The following GRB10 variants were observed in gnomAD, a reference collection of about 807,000 sequenced individuals.
The protein encoded by GRB10 is growth factor receptor bound protein 10.
Under a neutral mutation model 80.9 loss-of-function variants are expected in GRB10, and 20 were observed. The observed-to-expected ratio is 0.25, with a 90% CI of 0.17 to 0.36. The LOEUF is 0.36. Among genes scored for constraint, GRB10 ranks in the 10% least tolerant of loss-of-function variants. The pLI is 1.00. For synonymous variants in GRB10, 291 were observed against 291.5 expected (o/e 1.00, Z 0.02); for missense variants, 548 against 747.7 (o/e 0.73, Z 3.12).
chr7:50,688,577 A>G (rs528384677), intron 5 of GRB10, among the ~76,000 whole-genome samples: 6 of 152,292 alleles, frequency 3.9e-5, no homozygotes, highest in African/African-American at 1.2e-4. Flanking sequence ...TAAGCTGTCT[A>G]TGCAGCTGGC....
At chr7:50,658,513 C>A (rs1011500122) in intron 7 of GRB10, among the ~76,000 whole-genome samples, 2 of 152,152 alleles carry the variant, frequency 1.3e-5, no homozygotes, top group Non-Finnish European at 2.9e-5. Flanking sequence ...GCCTTTGAGT[C>A]CACAGGAGCC....
chr7:50,627,351 T>C lies in GRB10; in HGVS notation c.505-373A>G, dbSNP rs934830209. Among the ~76,000 whole-genome samples the C allele has an allele frequency of 7.2e-5, 11 of 152,050 alleles. No homozygotes were observed. In the East Asian group the frequency reaches 7.7e-4, roughly 11 times the overall value. ...GTTGGACATTTTACAGTTGAACCAA[T>C]TGAAAAAACAAGCAAGCAACAACAA... On this transcript the variant is annotated intron_variant, in intron 7 of 18. Transcript: ENST00000401949.
intron 4 of GRB10, among the ~76,000 whole-genome samples, chr7:50,710,415 T>C (rs2065710372): frequency 6.6e-6 from 1 of 152,170 alleles, no homozygotes; most frequent in Admixed American, 6.5e-5. Context: ...CACCAGTCAT[T>C]GGCGTTCCGT....
At chr7:50,715,264 G>A (rs1563566267) in intron 4 of GRB10, among the ~76,000 whole-genome samples, 1 of 151,646 alleles carries the variant, frequency 6.6e-6, no homozygotes, top group Non-Finnish European at 1.5e-5. Context: ...GCTTCCAGGT[G>A]CAAGCAGAAG....
rs941681006 is a variant in GRB10, at chr7:50,591,694, T to C, written c.*1258A>G. Reference sequence around the variant, plus strand: ...GTGTTGTGTTGACAAAACTCTTCCATGTCCACAACCACTGTGAGGTACTTC... The same window carrying C: ...GTGTTGTGTTGACAAAACTCTTCCACGTCCACAACCACTGTGAGGTACTTC... On this transcript the variant is annotated 3_prime_UTR_variant, in exon 19 of 19. Transcript: ENST00000401949. 6.6e-6 allele frequency: 1 copy of C among 152,244 alleles called. No individual in the cohort carries two copies. The highest frequency in any genetic ancestry group is 6.5e-5 in the Admixed American group (1 of 15,292). The allele number at this position is 152,244 out of a possible 1,614,324, so 9.4% of individuals were successfully genotyped here.
At chr7:50,741,873 C>T (rs2071824350) in intron 3 of GRB10, among the ~76,000 whole-genome samples, 1 of 151,836 alleles carries the variant, frequency 6.6e-6, no homozygotes, top group African/African-American at 2.4e-5. Context: ...TAATAAAAGA[C>T]AAATCTCTTA....
At position 50,623,469 on chromosome 7, in the gene GRB10, C is replaced by A. The variant is rs575936429; in HGVS notation, c.661+3353G>T. On this transcript the variant is annotated intron_variant, in intron 8 of 18. Coordinates refer to ENST00000401949, the MANE Select transcript of GRB10 (RefSeq NM_001350814.2). Reference sequence around the variant, plus strand: ...CTCATAGGAGTCGTTCTCTGCTTATCCACAAGCGCAGCACAGAGCGGGCAG... The same window carrying A: ...CTCATAGGAGTCGTTCTCTGCTTATACACAAGCGCAGCACAGAGCGGGCAG... Among the ~76,000 whole-genome samples, 15 of 152,348 alleles carry A rather than the reference C, an allele frequency of 9.8e-5. No individual in the cohort carries two copies. The South Asian group carries it at 2.9e-3, about 29-fold the overall frequency.
In GRB10 at chr7:50,715,620, C is replaced by T. The variant is rs1161003048; in HGVS notation, c.52-11712G>A. The stretch of plus-strand genomic sequence containing the variant: ...TAACTTCACTCTCTGGGCCTATTTC[C>T]TCACCAATAAAATCAGGTTTTTGGA... On this transcript the variant is annotated intron_variant, in intron 4 of 18. Transcript: ENST00000401949. 2.0e-5 allele frequency among the ~76,000 whole-genome samples: 3 copies of T among 152,178 alleles called. No homozygotes were observed. The East Asian group carries it at 5.8e-4, about 29-fold the overall frequency.
intron 13 of GRB10, among the ~76,000 whole-genome samples, chr7:50,609,139 C>T (rs1415530155): frequency 6.6e-6 from 1 of 152,062 alleles, no homozygotes; most frequent in Non-Finnish European, 1.5e-5. Flanking sequence ...CTGCAAATGG[C>T]AGGTTCAAAT....
At chr7:50,720,529 C>A (rs751574438) in intron 4 of GRB10, among the ~76,000 whole-genome samples, 65 of 152,192 alleles carry the variant, frequency 4.3e-4, no homozygotes, top group Admixed American at 1.3e-4. Flanking sequence ...AGGACAGGCA[C>A]ATCCCGGACG....
chr7:50,671,933 G>A (rs2060395573), intron 6 of GRB10, among the ~76,000 whole-genome samples: 1 of 152,204 alleles, frequency 6.6e-6, no homozygotes, highest in African/African-American at 2.4e-5. Context: ...ATGGAGAGGG[G>A]TGCTGAGATT....
intron 2 of GRB10, among the ~76,000 whole-genome samples, chr7:50,777,042 T>TTCTG (rs56019724): frequency 0.82 from 124,935 of 151,640 alleles, 51,537 homozygotes; most frequent in Middle Eastern, 0.91. Context: ...CAGTATCAAT[T>TTCTG]TCTGTCTGTG....
chr7:50,600,038 A>C (rs2047334604), intron 17 of GRB10, among the ~76,000 whole-genome samples: 1 of 152,172 alleles, frequency 6.6e-6, no homozygotes, highest in South Asian at 2.1e-4. Context: ...CACCAAATAA[A>C]GCCTCCTGTG....
intron 4 of GRB10, among the ~76,000 whole-genome samples, chr7:50,722,543 A>C (rs1261991387): frequency 6.6e-6 from 1 of 152,204 alleles, no homozygotes; most frequent in Non-Finnish European, 1.5e-5. Context: ...CATGGGCAGC[A>C]ACAGCTTCAA....
intron 7 of GRB10, among the ~76,000 whole-genome samples, chr7:50,662,376 G>A (rs2059366462): frequency 6.6e-6 from 1 of 152,184 alleles, no homozygotes. Context: ...AGAAATGAAG[G>A]GTTATTCAGA....
chr7:50,604,487 A>C, intron 15 of GRB10, 110 bp from the exon 16 acceptor site: 1 of 895,308 alleles, frequency 1.1e-6, no homozygotes, highest in Admixed American at 1.7e-5. Flanking sequence ...GACTGGGCTC[A>C]CAAGGGACCT....
chr7:50,763,699 T>C (rs568150163), intron 2 of GRB10, among the ~76,000 whole-genome samples: 2 of 152,316 alleles, frequency 1.3e-5, no homozygotes, highest in East Asian at 3.9e-4. Flanking sequence ...CATTCCTAAC[T>C]TTCTCTTCTG....
chr7:50,750,408 T>G (rs2073903968), intron 3 of GRB10, among the ~76,000 whole-genome samples: 1 of 152,236 alleles, frequency 6.6e-6, no homozygotes. Flanking sequence ...GGGGCTTTCC[T>G]GCACCGTTTC....
intron 7 of GRB10, among the ~76,000 whole-genome samples, chr7:50,655,336 C>T (rs2058539497): frequency 6.6e-6 from 1 of 152,208 alleles, no homozygotes; most frequent in South Asian, 2.1e-4. Flanking sequence ...ATGCTGGCTC[C>T]TGTGTCTTTA....
Sources: gnomAD v4.1 joint callset for allele counts (sites outside exome capture counted in the v4.1 genomes callset) on GRCh38, gnomAD v4.1.1 for gene constraint, MANE v1.5 for transcripts, NCBI Gene and HGNC (gene_info 2026-07-23, HGNC 2026-07-21) for gene names.